RFTN2: variants seen among roughly 807,000 people sequenced by gnomAD.
RFTN2 encodes the protein raftlin family member 2.
RFTN2 carries 34 observed loss-of-function variants against 52.7 expected under a neutral mutation model. The ratio of observed to expected loss-of-function variants is 0.64; its 90% CI spans 0.49 to 0.86. The LOEUF is 0.86. RFTN2 is among the 40% of genes least tolerant of loss of function. The pLI, the probability that RFTN2 is intolerant of heterozygous loss-of-function variation, is 0.00. For synonymous variants in RFTN2, 203 were observed against 217.7 expected (o/e 0.93, Z 0.59); for missense variants, 536 against 600.1 (o/e 0.89, Z 1.12).
intron 6 of RFTN2, among the ~76,000 whole-genome samples, chr2:197,617,189 A>C (rs2088158913): frequency 6.6e-6 from 1 of 152,160 alleles, no homozygotes; most frequent in African/African-American, 2.4e-5. Context: ...TGAGTGACCA[A>C]ATTTTTTTCT....
chr2:197,631,183 A>G lies in RFTN2; in HGVS notation c.756T>C (p.Phe252=), dbSNP rs2088463976. The stretch of plus-strand genomic sequence containing the variant: ...AGGCCCAGGAGGTTGAATCATCATC[A>G]AAAGCATTGAAGACTGTATACAATT... ...DNKLYTVFNA[F]DDDSTSWAYQ... Residue 252 remains phenylalanine (F), a synonymous_variant, in exon 5 of 9, where the codon TTT becomes TTC. Transcript: ENST00000295049. The G allele has an allele frequency of 6.2e-7, 1 of 1,613,512 alleles. No homozygotes were observed. Among genetic ancestry groups the G allele is most frequent in the Non-Finnish European group, 8.5e-7 (1 of 1,179,728 alleles).
intron 8 of RFTN2, among the ~76,000 whole-genome samples, chr2:197,575,794 A>C (rs796963786): frequency 2.8e-4 from 37 of 131,176 alleles, no homozygotes; most frequent in Middle Eastern, 3.7e-3. Context: ...ATAATATATT[A>C]TATATATTTT....
In RFTN2 at chr2:197,569,246, G is replaced by A. The variant is rs1285443079; in HGVS notation, c.*2762C>T. The A allele has an allele frequency of 1.3e-5, 2 of 152,084 alleles. No individual in the cohort carries two copies. The highest frequency in any genetic ancestry group is 6.6e-5 in the Admixed American group (1 of 15,256). 9.4% of individuals were successfully genotyped at this position (152,084 alleles called of 1,614,324 possible). A position where few individuals can be genotyped will look rare whatever the true frequency, so the allele number is the denominator to read the frequency against. On this transcript the variant is annotated 3_prime_UTR_variant, in exon 9 of 9. Transcript: ENST00000295049. Reference sequence around the variant, plus strand: ...TGATACCTTTCATTATAACTTACAGGTTTTAAAAATTCACATGCCAGAGCC... The same window carrying A: ...TGATACCTTTCATTATAACTTACAGATTTTAAAAATTCACATGCCAGAGCC...
intron 7 of RFTN2, among the ~76,000 whole-genome samples, chr2:197,615,436 C>A (rs2088125836): frequency 6.6e-6 from 1 of 152,150 alleles, no homozygotes; most frequent in African/African-American, 2.4e-5. Context: ...TTTTCCTTTC[C>A]AGGAAAGTTA....
chr2:197,644,312 G>A lies in RFTN2; in HGVS notation c.324-40C>T, dbSNP rs1170830315. ...ATATGTTTATGGTTGGAGGCCAATT[G>A]CTGCTTTTCAGCTAATATGCTCATG... On this transcript the variant is annotated intron_variant, in intron 2 of 8. Transcript: ENST00000295049. 3.6e-6 allele frequency: 4 copies of A among 1,121,020 alleles called. No homozygotes were observed. In the South Asian group the frequency reaches 3.8e-5, roughly 11 times the overall value. 69.4% of individuals were successfully genotyped at this position (1,121,020 alleles called of 1,614,324 possible).
At position 197,644,167 on chromosome 2, in the gene RFTN2, C is replaced by T. The variant is rs779192198; in HGVS notation, c.429G>A (p.Leu143=). 12 of 1,587,980 alleles carry T rather than the reference C, an allele frequency of 7.6e-6. No individual in the cohort carries two copies. Among genetic ancestry groups the T allele is most frequent in the Non-Finnish European group, 1.0e-5 (12 of 1,156,364 alleles). Residue 143 remains leucine, a synonymous_variant, in exon 3 of 9, where the codon CTG becomes CTA. Transcript: ENST00000295049. ...EAQTNDAAKE[L]IEKINVAAKR... is the part of the protein sequence containing the mutation. ...TGCATAAATTTAGTACCTTTTCTAT[C>T]AGTTCTTTTGCTGCGTCATTTGTTT...
At chr2:197,611,347 G>A (rs1397829387) in intron 7 of RFTN2, among the ~76,000 whole-genome samples, 1 of 152,196 alleles carries the variant, frequency 6.6e-6, no homozygotes, top group East Asian at 1.9e-4. Context: ...TTGGGAGGGT[G>A]TATGTGTCCA....
chr2:197,608,417 T>G (rs960951648), intron 7 of RFTN2, among the ~76,000 whole-genome samples: 2 of 151,692 alleles, frequency 1.3e-5, no homozygotes, highest in African/African-American at 4.8e-5. Context: ...GTTCAAGTGA[T>G]TCTCGTGCCT....
chr2:197,576,841 A>G (rs2087427978), intron 8 of RFTN2, among the ~76,000 whole-genome samples: 1 of 152,146 alleles, frequency 6.6e-6, no homozygotes, highest in Non-Finnish European at 1.5e-5. Context: ...ACCGGAGTTG[A>G]GCAAGTTTAA....
intron 8 of RFTN2, among the ~76,000 whole-genome samples, chr2:197,594,865 T>TAC (rs1270280476): frequency 6.6e-6 from 1 of 152,244 alleles, no homozygotes; most frequent in Non-Finnish European, 1.5e-5. Flanking sequence ...GACTGTATTA[T>TAC]ACACACAGTC....
At chr2:197,614,015 A>ATGTCTC (rs979383523) in intron 7 of RFTN2, among the ~76,000 whole-genome samples, 1 of 152,176 alleles carries the variant, frequency 6.6e-6, no homozygotes, top group Admixed American at 6.5e-5. Flanking sequence ...ACAGTTTAAA[A>ATGTCTC]TGTCTCTTCT....
In RFTN2 at chr2:197,618,859, C is replaced by A. The variant is rs564725839; in HGVS notation, c.929-938G>T. Among the ~76,000 whole-genome samples, 728 of 151,760 alleles carry A rather than the reference C, an allele frequency of 4.8e-3. 5 individuals are homozygous for A. Among genetic ancestry groups the A allele is most frequent in the African/African-American group, 0.017 (701 of 41,332 alleles). On this transcript the variant is annotated intron_variant, in intron 5 of 8. Transcript: ENST00000295049. ...GAGCCCCTCCGCCCGGCAGCCGCCC[C>A]GTCTGAGAAGTGAGGAGCCCCTCCG... is the stretch of plus-strand genomic sequence containing the variant.
At chr2:197,587,980 C>T (rs774712375) in intron 8 of RFTN2, 8 of 470,718 alleles carry the variant, frequency 1.7e-5, no homozygotes, top group South Asian at 1.2e-4. Flanking sequence ...AACTGTAGCC[C>T]AAGTCTCTTA....
chr2:197,660,972 ATAT>A (rs1245982588), intron 1 of RFTN2, among the ~76,000 whole-genome samples: 1 of 152,164 alleles, frequency 6.6e-6, no homozygotes, highest in African/African-American at 2.4e-5. Flanking sequence ...CTGTTGAACA[ATAT>A]TACATATTTT....
At chr2:197,664,278 G>C (rs1179859715) in intron 1 of RFTN2, among the ~76,000 whole-genome samples, 1 of 151,752 alleles carries the variant, frequency 6.6e-6, no homozygotes, top group Non-Finnish European at 1.5e-5. Context: ...TTCAAGACCA[G>C]CCTGGGCAAC....
chr2:197,614,537 T>G (rs1269326835), intron 7 of RFTN2, among the ~76,000 whole-genome samples: 2 of 152,230 alleles, frequency 1.3e-5, no homozygotes, highest in Admixed American at 1.3e-4. Flanking sequence ...TTAAGCCCTC[T>G]GCAGATGGCA....
chr2:197,664,950 A>G (rs1484756489), intron 1 of RFTN2, among the ~76,000 whole-genome samples: 1 of 152,144 alleles, frequency 6.6e-6, no homozygotes, highest in East Asian at 1.9e-4. Flanking sequence ...CCAGTCTTTC[A>G]TTGGGTACTC....
intron 5 of RFTN2, among the ~76,000 whole-genome samples, chr2:197,627,433 T>C (rs2088383747): frequency 6.6e-6 from 1 of 152,234 alleles, no homozygotes; most frequent in Admixed American, 6.5e-5. Context: ...GGCTAGCGCC[T>C]TGTAAGTAGG....
At chr2:197,605,659 C>T (rs551172074) in intron 7 of RFTN2, among the ~76,000 whole-genome samples, 4 of 152,292 alleles carry the variant, frequency 2.6e-5, no homozygotes, top group Middle Eastern at 3.4e-3. Flanking sequence ...CATACTGCAA[C>T]GTCCGCTCCC....
Sources: allele counts gnomAD v4.1 joint callset (sites outside exome capture counted in the v4.1 genomes callset), GRCh38; gene constraint gnomAD v4.1.1; transcripts MANE v1.5; gene names NCBI Gene and HGNC (gene_info 2026-07-23, HGNC 2026-07-21).